HDAC4: variants seen among roughly 807,000 people sequenced by gnomAD.
HDAC4 encodes histone deacetylase 4.
Under a neutral mutation model 135.1 loss-of-function variants are expected in HDAC4, and 16 were observed. That is an observed-to-expected ratio of 0.12 (90% CI 0.08 to 0.18). The LOEUF (loss-of-function observed/expected upper bound fraction) is 0.18. Among genes scored for constraint, HDAC4 ranks in the 10% least tolerant of loss-of-function variants. HDAC4 has a pLI of 1.00. For synonymous variants in HDAC4, 685 were observed against 653.4 expected (o/e 1.05, Z -0.74); for missense variants, 1,143 against 1,511.8 (o/e 0.76, Z 4.05).
At chr2:239,398,902 C>T (rs1696746357) in intron 1 of HDAC4, among the ~76,000 whole-genome samples, 1 of 152,256 alleles carries the variant, frequency 6.6e-6, no homozygotes, top group South Asian at 2.1e-4. Context: ...GGCAGCGTTA[C>T]ATCTGCCTGC....
chr2:239,129,875 C>A (rs2040449691), intron 11 of HDAC4, among the ~76,000 whole-genome samples: 1 of 152,300 alleles, frequency 6.6e-6, no homozygotes, highest in Middle Eastern at 3.4e-3. Context: ...TGTGCAAATG[C>A]ATCACTTAGA....
At chr2:239,260,217 C>A (rs904630040) in intron 2 of HDAC4, among the ~76,000 whole-genome samples, 2 of 152,246 alleles carry the variant, frequency 1.3e-5, no homozygotes, top group African/African-American at 4.8e-5. Flanking sequence ...GACTCTCTTG[C>A]ACACACGCAC....
At chr2:239,140,766 C>T in intron 8 of HDAC4, 1 of 296,598 alleles carries the variant, frequency 3.4e-6, no homozygotes, top group East Asian at 1.2e-4. Flanking sequence ...ATGTTTTCCC[C>T]AAGCAGCCCC....
intron 7 of HDAC4, among the ~76,000 whole-genome samples, chr2:239,145,800 G>A (rs1049348399): frequency 3.3e-5 from 5 of 152,130 alleles, no homozygotes; most frequent in African/African-American, 7.2e-5. Flanking sequence ...GGAATGAGAC[G>A]GAGTTTCTCC....
intron 2 of HDAC4, among the ~76,000 whole-genome samples, chr2:239,291,034 A>C (rs1207839133): frequency 6.6e-6 from 1 of 152,242 alleles, no homozygotes; most frequent in African/African-American, 2.4e-5. Context: ...GCCGTTCAGA[A>C]GGCAGCGCCT....
chr2:239,104,239 A>AT (rs914189877), intron 15 of HDAC4, among the ~76,000 whole-genome samples: 10 of 151,602 alleles, frequency 6.6e-5, no homozygotes, highest in Non-Finnish European at 1.2e-4. Flanking sequence ...ATTTTATTTT[A>AT]TTTTTTTTGA....
chr2:239,062,320 C>T (rs1019993887), intron 24 of HDAC4, among the ~76,000 whole-genome samples: 4 of 152,272 alleles, frequency 2.6e-5, no homozygotes, highest in Admixed American at 1.3e-4. Flanking sequence ...AACAGGGTCC[C>T]CGCAGGCCAC....
chr2:239,385,879 A>C (rs1292051920), intron 1 of HDAC4, among the ~76,000 whole-genome samples: 1 of 152,226 alleles, frequency 6.6e-6, no homozygotes, highest in Non-Finnish European at 1.5e-5. Flanking sequence ...GGTCCAAGAC[A>C]GTCTCCTACA....
intron 12 of HDAC4, among the ~76,000 whole-genome samples, chr2:239,121,344 A>AG (rs1240520133): frequency 2.0e-5 from 3 of 152,094 alleles, no homozygotes; most frequent in African/African-American, 7.2e-5. Flanking sequence ...ATGGCGGTGG[A>AG]GGTAGTGGGG....
At chr2:239,319,809 C>T (rs2053245980) in intron 2 of HDAC4, among the ~76,000 whole-genome samples, 2 of 152,082 alleles carry the variant, frequency 1.3e-5, no homozygotes, top group African/African-American at 2.4e-5. Flanking sequence ...AAATAGAAAA[C>T]GTATAGTATA....
intron 1 of HDAC4, among the ~76,000 whole-genome samples, chr2:239,359,112 C>T (rs1693698918): frequency 6.6e-6 from 1 of 152,048 alleles, no homozygotes; most frequent in Admixed American, 6.6e-5. Flanking sequence ...TAAGATTTCA[C>T]AGGTTTTAAC....
rs558907933 is a variant in HDAC4 at position 239,386,640 on chromosome 2, A to G, written c.-220+14338T>C. Among the ~76,000 whole-genome samples, 15 of 152,346 alleles carry G rather than the reference A, an allele frequency of 9.8e-5. No homozygotes were observed. In the East Asian group the frequency reaches 2.5e-3, roughly 26 times the overall value. On this transcript the variant is annotated intron_variant, in intron 1 of 26. Transcript: ENST00000543185. ...AAATTTAACAATGTAATGCACTGTAAGGAAATCCCATGAGCACCGGCTTTA... is the reference window on the plus strand; with the variant it reads ...AAATTTAACAATGTAATGCACTGTAGGGAAATCCCATGAGCACCGGCTTTA...
chr2:239,367,972 C>T (rs573963856), intron 1 of HDAC4, among the ~76,000 whole-genome samples: 4 of 152,044 alleles, frequency 2.6e-5, no homozygotes, highest in Admixed American at 1.3e-4. Context: ...AGTAAGACTC[C>T]GTCTCAAAAT....
At chr2:239,354,239 G>A (rs540044558) in intron 1 of HDAC4, among the ~76,000 whole-genome samples, 11 of 152,252 alleles carry the variant, frequency 7.2e-5, no homozygotes, top group Admixed American at 3.9e-4. Context: ...GGTAAGCTTC[G>A]TTTTGAAGGG....
chr2:239,192,347 C>G (rs2045042223), intron 3 of HDAC4, among the ~76,000 whole-genome samples: 1 of 152,120 alleles, frequency 6.6e-6, no homozygotes, highest in Non-Finnish European at 1.5e-5. Context: ...CATTTCCTTT[C>G]TTCCCTTTTC....
chr2:239,294,124 A>G (rs4852044), intron 2 of HDAC4, among the ~76,000 whole-genome samples: 86,127 of 152,120 alleles, frequency 0.57, 25,047 homozygotes, highest in East Asian at 0.86. Context: ...CAGAAAGCTC[A>G]TGGATGCTCC....
chr2:239,339,891 A>C (rs1461496232), intron 2 of HDAC4, among the ~76,000 whole-genome samples: 1 of 152,194 alleles, frequency 6.6e-6, no homozygotes, highest in Non-Finnish European at 1.5e-5. Flanking sequence ...ACCGCAGCCA[A>C]GAACCAAGAA....
chr2:239,310,577 C>A (rs192716995), intron 2 of HDAC4, among the ~76,000 whole-genome samples: 116 of 152,360 alleles, frequency 7.6e-4, no homozygotes, highest in African/African-American at 2.6e-3. Flanking sequence ...GAACACAGCA[C>A]AGGCACAAGG....
At chr2:239,113,494 T>A (rs1159960001) in intron 13 of HDAC4, among the ~76,000 whole-genome samples, 2 of 152,228 alleles carry the variant, frequency 1.3e-5, no homozygotes, top group Non-Finnish European at 2.9e-5. Flanking sequence ...AATTGCTCCG[T>A]GTACTACGAC....
Sources: allele counts gnomAD v4.1 joint callset (sites outside exome capture counted in the v4.1 genomes callset), GRCh38; gene constraint gnomAD v4.1.1; transcripts MANE v1.5; gene names NCBI Gene and HGNC (gene_info 2026-07-23, HGNC 2026-07-21).